CHD2: variants seen among roughly 807,000 people sequenced by gnomAD.
CHD2 encodes the protein ATP-dependent chromatin remodeler CHD2.
Under a neutral mutation model 243.9 loss-of-function variants are expected in CHD2, and 28 were observed. The ratio of observed to expected loss-of-function variants is 0.11; its 90% CI spans 0.09 to 0.16. The LOEUF (loss-of-function observed/expected upper bound fraction) is 0.16. Among genes scored for constraint, CHD2 ranks in the 10% least tolerant of loss-of-function variants. CHD2 has a pLI of 1.00. For missense variants in CHD2, 1,386 were observed against 2,209.8 expected (o/e 0.63, Z 7.47); for synonymous variants, 775 against 779.0 (o/e 0.99, Z 0.09).
intron 13 of CHD2, among the ~76,000 whole-genome samples, chr15:92,951,360 G>A (rs1386240232): frequency 2.0e-5 from 3 of 151,928 alleles, no homozygotes; most frequent in Non-Finnish European, 2.9e-5. Flanking sequence ...TAGTAGAGAC[G>A]GGGTTTCACC....
chr15:92,969,098 T>C (rs551147953), intron 17 of CHD2, among the ~76,000 whole-genome samples: 1 of 152,378 alleles, frequency 6.6e-6, no homozygotes, highest in Admixed American at 6.5e-5. Context: ...GGGGAAATAG[T>C]GTTACCTTAG....
intron 12 of CHD2, among the ~76,000 whole-genome samples, chr15:92,948,039 T>C (rs1366316211): frequency 3.3e-5 from 5 of 152,190 alleles, no homozygotes. Context: ...AGAAATTGTA[T>C]AACTTTTTGA....
rs553967294 is a variant in CHD2, at chr15:93,014,720, A to T, written c.4717A>T (p.Thr1573Ser). Residue 1573 changes from threonine to serine, a missense_variant, in exon 37 of 39, where the codon ACT becomes TCT. Thr to Ser is a moderately conservative substitution (Grantham distance 58). Around this residue, in one of 19 missense-constraint regions of CHD2, gnomAD observed 347 missense variants for 341.6 expected, o/e 1.02. Coordinates refer to ENST00000394196, the MANE Select transcript of CHD2 (RefSeq NM_001271.4). ...EEEQKKKDDV[T>S]GGKKPFRPEA... The stretch of plus-strand genomic sequence containing the variant: ...GGAGCAAAAGAAGAAAGACGACGTG[A>T]CTGGGGGTAAGAAACCATTTCGTCC... 6.2e-7 allele frequency: 1 copy of T among 1,614,176 alleles called. No homozygotes were observed. The highest frequency in any genetic ancestry group is 2.2e-5 in the East Asian group (1 of 44,882).
intron 27 of CHD2, among the ~76,000 whole-genome samples, chr15:92,992,221 T>G (rs878998099): frequency 6.6e-6 from 1 of 152,196 alleles, no homozygotes; most frequent in African/African-American, 2.4e-5. Flanking sequence ...GAGGTAGTGA[T>G]GTGTAGCATT....
intron 2 of CHD2, among the ~76,000 whole-genome samples, chr15:92,913,484 G>C (rs1339156059): frequency 1.3e-5 from 2 of 152,174 alleles, no homozygotes; most frequent in African/African-American, 2.4e-5. Context: ...GTAGAGGCCA[G>C]AGATGCTCCC....
intron 25 of CHD2, among the ~76,000 whole-genome samples, chr15:92,984,934 A>G (rs554840982): frequency 6.6e-6 from 1 of 152,360 alleles, no homozygotes; most frequent in East Asian, 1.9e-4. Context: ...ACAGTTCACA[A>G]AGCTCCATCA....
chr15:93,002,466 C>T (rs966037365), intron 33 of CHD2, 149 bp downstream of exon 33: 3 of 1,298,332 alleles, frequency 2.3e-6, no homozygotes, highest in Non-Finnish European at 3.1e-6. Flanking sequence ...TGATGGGATA[C>T]CTGCACCTGT....
At position 93,027,169 on chromosome 15, in the gene CHD2, T is replaced by A. The variant is rs922001614; in HGVS notation, c.*2464T>A. The A allele has an allele frequency of 2.6e-5, 4 of 152,628 alleles. No homozygotes were observed. Among genetic ancestry groups the A allele is most frequent in the Non-Finnish European group, 1.5e-5 (1 of 68,040 alleles). 9.5% of individuals were successfully genotyped at this position (152,628 alleles called of 1,614,324 possible). ...AAAAAGGAAGCATTTCTTCATTGAT[T>A]TAAATCAGTATGAATATTATATGCC... On this transcript the variant is annotated 3_prime_UTR_variant, in exon 39 of 39. Coordinates refer to ENST00000394196, the MANE Select transcript of CHD2 (RefSeq NM_001271.4).
rs773185827 is a variant in CHD2 at position 93,009,325 on chromosome 15, T to TAAC, written c.4592+3_4592+5dup. 1.9e-6 allele frequency: 3 copies of TAAC among 1,613,298 alleles called. No homozygotes were observed. Among genetic ancestry groups the TAAC allele is most frequent in the Non-Finnish European group, 2.5e-6 (3 of 1,179,332 alleles). On this transcript the variant is annotated splice_region_variant and intron_variant, in intron 35 of 38. Coordinates refer to ENST00000394196, the MANE Select transcript of CHD2 (RefSeq NM_001271.4). ...GGAGCACATCAAACTCTGGAGGAGG[T>TAAC]AACCACTTTGGCCTCGTCTGCCCAG...
At chr15:92,969,267 C>T (rs1022820016) in intron 17 of CHD2, among the ~76,000 whole-genome samples, 3 of 152,206 alleles carry the variant, frequency 2.0e-5, no homozygotes, top group African/African-American at 7.2e-5. Context: ...CTGTTGCCTT[C>T]AGGCTGCACA....
intron 6 of CHD2, among the ~76,000 whole-genome samples, chr15:92,938,655 G>A (rs1567133365): frequency 1.3e-5 from 2 of 152,264 alleles, no homozygotes; most frequent in Non-Finnish European, 1.5e-5. Context: ...TTATTACATC[G>A]TTGATCATCT....
chr15:92,931,694 T>TAC (rs2053170010), intron 5 of CHD2, among the ~76,000 whole-genome samples: 1 of 152,170 alleles, frequency 6.6e-6, no homozygotes, highest in Non-Finnish European at 1.5e-5. Context: ...TTTATATATA[T>TAC]ACAAACATAA....
chr15:92,922,271 C>T (rs1032315338), intron 2 of CHD2, among the ~76,000 whole-genome samples: 12 of 152,046 alleles, frequency 7.9e-5, no homozygotes, highest in Non-Finnish European at 1.6e-4. Flanking sequence ...CAGTTTTTTT[C>T]GTCATTCATA....
At chr15:92,979,332 A>C in intron 22 of CHD2, 49 bp downstream of exon 22, 1 of 1,593,878 alleles carries the variant, frequency 6.3e-7, no homozygotes, top group Non-Finnish European at 8.6e-7. Context: ...TTGATTCTAC[A>C]TCACTGTTGG....
intron 21 of CHD2, 61 bp from the exon 22 acceptor site, chr15:92,979,073 TC>T: frequency 6.3e-7 from 1 of 1,580,304 alleles, no homozygotes; most frequent in Non-Finnish European, 8.6e-7. Flanking sequence ...AATCCTTCTC[TC>T]TTTTTTTGGG....
chr15:92,971,614 G>C (rs1567147165), intron 17 of CHD2, 151 bp from the exon 18 acceptor site: 1 of 523,656 alleles, frequency 1.9e-6, no homozygotes. Flanking sequence ...TTAGATGGCA[G>C]GAGATACAAA....
At chr15:92,914,297 A>G (rs1046797696) in intron 2 of CHD2, among the ~76,000 whole-genome samples, 1 of 152,202 alleles carries the variant, frequency 6.6e-6, no homozygotes, top group Admixed American at 6.5e-5. Context: ...AAGACTTTTG[A>G]TTTTACCTGA....
intron 20 of CHD2, 131 bp from the exon 21 acceptor site, chr15:92,978,103 C>T (rs1052923997): frequency 5.0e-6 from 5 of 1,004,590 alleles, no homozygotes; most frequent in Non-Finnish European, 6.1e-6. Flanking sequence ...CTTTTAGCCT[C>T]CATAAAGTTT....
chr15:92,989,094 C>T (rs1303422397), intron 26 of CHD2, among the ~76,000 whole-genome samples: 4 of 140,508 alleles, frequency 2.8e-5, no homozygotes, highest in Admixed American at 7.8e-5. Flanking sequence ...TGCAATGGCG[C>T]GATTTTGGCT....
Sources: gnomAD v4.1 joint callset for allele counts (sites outside exome capture counted in the v4.1 genomes callset) on GRCh38, gnomAD v4.1.1 for gene constraint, gnomAD v4.1.1 regional missense constraint, MANE v1.5 for transcripts, NCBI Gene and HGNC (gene_info 2026-07-23, HGNC 2026-07-21) for gene names.